The following TUBG2 variants were observed in gnomAD, a reference collection of about 807,000 sequenced individuals.
The protein encoded by TUBG2 is tubulin gamma 2, also known as tubulin gamma-2 chain.
TUBG2 carries 39 observed loss-of-function variants against 55.1 expected under a neutral mutation model. The ratio of observed to expected loss-of-function variants is 0.71; its 90% CI spans 0.55 to 0.93. The LOEUF is 0.93. TUBG2 is among the 40% of genes least tolerant of loss of function. TUBG2 has a pLI of 0.00. For missense variants in TUBG2, 358 were observed against 599.1 expected, an observed-to-expected ratio of 0.60 and a Z score of 4.20; for synonymous variants, 223 against 241.0, an observed-to-expected ratio of 0.93 and a Z score of 0.69.
chr17:42,666,487 G>A lies in TUBG2; in HGVS notation c.1158+3G>A. On this transcript the variant is annotated splice_donor_region_variant and intron_variant, in intron 10 of 10. Coordinates refer to ENST00000251412, the MANE Select transcript of TUBG2 (RefSeq NM_016437.3). ...CCAACCACACCAGCATCTCCTCGGT[G>A]AGTCTAGGTTTCTATTCTTCTTAGA... 2 of 1,614,124 alleles carry A rather than the reference G, an allele frequency of 1.2e-6. No individual in the cohort carries two copies. Among genetic ancestry groups the A allele is most frequent in the Non-Finnish European group, 1.7e-6 (2 of 1,179,992 alleles).
In TUBG2 at chr17:42,663,043, T is replaced by C. The variant is rs1210760435; in HGVS notation, c.470T>C (p.Leu157Pro). Residue 157 changes from leucine to proline, a missense_variant, in exon 5 of 11, where the codon CTG becomes CCG. Leu to Pro is a moderately conservative substitution (Grantham distance 98). Transcript: ENST00000251412. ...CTGGGCTCCTACCTCCTGGAGCGAC[T>C]GAATGACAGGCAAGCCTGTGTTTGG... ...SGLGSYLLER[L>P]NDRYPKKLVQ... is the part of the protein sequence containing the mutation. 6 of 1,613,936 alleles carry C rather than the reference T, an allele frequency of 3.7e-6. No homozygotes were observed. Among genetic ancestry groups the C allele is most frequent in the Non-Finnish European group, 5.1e-6 (6 of 1,179,932 alleles).
intron 4 of TUBG2, chr17:42,661,318 T>C (rs1014873493): frequency 6.6e-6 from 1 of 152,426 alleles, no homozygotes; most frequent in East Asian, 1.9e-4. Context: ...TACTAACCAC[T>C]GTACTAAGGA....
At chr17:42,663,239 GTTTGAAGCT>G in intron 5 of TUBG2, 129 bp from the exon 6 acceptor site, 6 of 1,407,670 alleles carry the variant, frequency 4.3e-6, no homozygotes, top group Non-Finnish European at 5.8e-6. Flanking sequence ...GATCTACAGA[GTTTGAAGCT>G]TTCAGGCTTA....
At chr17:42,664,092 C>T (rs545183522) in intron 6 of TUBG2, among the ~76,000 whole-genome samples, 5 of 151,828 alleles carry the variant, frequency 3.3e-5, no homozygotes, top group East Asian at 1.9e-4. Context: ...GGTGACAGAG[C>T]GAGACTCTGC....
At position 42,666,871 on chromosome 17, in the gene TUBG2, C is replaced by A; in HGVS notation, c.*71C>A. ...CTCGACCATGCCTGCTCCCTCTGAC[C>A]CAGCTTCACCTCATGGACAACCCTT... On this transcript the variant is annotated 3_prime_UTR_variant, in exon 11 of 11. Coordinates refer to ENST00000251412, the MANE Select transcript of TUBG2 (RefSeq NM_016437.3). The A allele has an allele frequency of 6.5e-7, 1 of 1,537,484 alleles. No homozygotes were observed. Among genetic ancestry groups the A allele is most frequent in the Non-Finnish European group, 8.9e-7 (1 of 1,119,754 alleles).
In TUBG2 at chr17:42,659,824, C is replaced by T. The variant is rs777880875; in HGVS notation, c.50-10C>T. ...CTCCAGCAGACCCGGGCATCTCCCC[C>T]CTCCCCCAGTTGGGTTCGAGTTCTG... On this transcript the variant is annotated splice_polypyrimidine_tract_variant and intron_variant, in intron 1 of 10. Coordinates refer to ENST00000251412, the MANE Select transcript of TUBG2 (RefSeq NM_016437.3). The T allele has an allele frequency of 6.2e-7, 1 of 1,614,176 alleles. No homozygotes were observed. The highest frequency in any genetic ancestry group is 8.5e-7 in the Non-Finnish European group (1 of 1,180,004).
At chr17:42,664,377 G>A (rs930360279) in intron 6 of TUBG2, among the ~76,000 whole-genome samples, 3 of 151,548 alleles carry the variant, frequency 2.0e-5, no homozygotes, top group African/African-American at 7.3e-5. Flanking sequence ...ACAGACAGAA[G>A]ACCAACAAAG....
intron 6 of TUBG2, among the ~76,000 whole-genome samples, chr17:42,664,031 G>A (rs776874397): frequency 1.3e-5 from 2 of 151,632 alleles, no homozygotes; most frequent in African/African-American, 2.4e-5. Context: ...ACTTGAACCC[G>A]GGAGGCAAAG....
chr17:42,663,170 C>T, intron 5 of TUBG2, 118 bp downstream of exon 5: 1 of 1,291,838 alleles, frequency 7.7e-7, no homozygotes, highest in Non-Finnish European at 1.1e-6. Context: ...GACAGACCCA[C>T]CCAAGGACCA....
At chr17:42,662,709 C>A (rs954984752) in intron 4 of TUBG2, among the ~76,000 whole-genome samples, 2 of 152,170 alleles carry the variant, frequency 1.3e-5, no homozygotes, top group African/African-American at 4.8e-5. Context: ...CATTGTAATT[C>A]AGATGCTTCT....
chr17:42,665,914 A>T, intron 8 of TUBG2, 87 bp downstream of exon 8: 6 of 1,597,344 alleles, frequency 3.8e-6, no homozygotes, highest in Non-Finnish European at 5.1e-6. Flanking sequence ...CCACTGCCCC[A>T]GGAGCTGCCC....
Position 42,665,729 on chromosome 17 carries a change from A to G in TUBG2, c.745A>G (p.Met249Val). ...STTTLRYPGY[M>V]NNDLIGLIAS... ...CACCACCCTGCGCTACCCCGGCTACATGAACAATGACCTCATCGGCCTCAT... is the reference window on the plus strand; with the variant it reads ...CACCACCCTGCGCTACCCCGGCTACGTGAACAATGACCTCATCGGCCTCAT... Residue 249 changes from methionine (M) to valine (V), a missense_variant, in exon 8 of 11, where the codon ATG (methionine) becomes GTG (valine). Around this residue, in one of 8 missense-constraint regions of TUBG2, gnomAD observed 129 missense variants for 251.6 expected, o/e 0.51. Transcript: ENST00000251412. 6 of 1,614,182 alleles carry G rather than the reference A, an allele frequency of 3.7e-6. No individual in the cohort carries two copies. Among genetic ancestry groups the G allele is most frequent in the Non-Finnish European group, 4.2e-6 (5 of 1,180,026 alleles).
rs371035692 is a variant in TUBG2 at position 42,659,883 on chromosome 17, C to T, written c.99C>T (p.Pro33=). ...KQLCAEHGIS[P]EGIVEEFATE... ...TGTGCGCCGAGCATGGTATCAGCCC[C>T]GAGGGCATCGTGGAGGAATTCGCCA... The change falls in exon 2 of 11, where the codon CCC becomes CCT. Residue 33 remains proline, a synonymous_variant. Coordinates refer to ENST00000251412, the MANE Select transcript of TUBG2 (RefSeq NM_016437.3). The T allele has an allele frequency of 1.2e-6, 2 of 1,613,912 alleles. No homozygotes were observed. Among genetic ancestry groups the T allele is most frequent in the Non-Finnish European group, 1.7e-6 (2 of 1,179,950 alleles).
chr17:42,659,364 G>C lies in TUBG2; in HGVS notation c.-140G>C. 1.1e-6 allele frequency: 1 copy of C among 872,716 alleles called. No individual in the cohort carries two copies. The highest frequency in any genetic ancestry group is 2.9e-5 in the East Asian group (1 of 34,390). The allele number at this position is 872,716 out of a possible 1,614,324, so 54.1% of individuals were successfully genotyped here. On this transcript the variant is annotated 5_prime_UTR_variant, in exon 1 of 11. Coordinates refer to ENST00000251412, the MANE Select transcript of TUBG2 (RefSeq NM_016437.3). ...CACCGGCCGAGGAGAGGCCTGCGCT[G>C]CACACGCGCAGACCGAGCATCCGCG... is the stretch of plus-strand genomic sequence containing the variant.
In TUBG2 at chr17:42,666,728, T is replaced by C. The variant is rs138441376; in HGVS notation, c.1284T>C (p.Val428=). 8.1e-6 allele frequency: 13 copies of C among 1,614,022 alleles called. No individual in the cohort carries two copies. The African/African-American group carries it at 1.5e-4, about 18-fold the overall frequency. ...FDEMDRSREV[V]QELIDEYHAA... Reference sequence around the variant, plus strand: ...AGATGGACAGGTCTAGGGAGGTTGTTCAGGAGCTCATTGATGAGTACCATG... The same window carrying C: ...AGATGGACAGGTCTAGGGAGGTTGTCCAGGAGCTCATTGATGAGTACCATG... The change falls in exon 11 of 11, where the codon GTT becomes GTC. Residue 428 remains valine, a synonymous_variant. Transcript: ENST00000251412.
Position 42,666,103 on chromosome 17 carries a change from A to C in TUBG2, c.860A>C (p.Lys287Thr). Residue 287 changes from lysine to threonine, a missense_variant, in exon 9 of 11, where the codon AAG becomes ACG. By Grantham distance (78) the Lys-to-Thr change is moderately conservative. Around this residue, in one of 8 missense-constraint regions of TUBG2, gnomAD observed 129 missense variants for 251.6 expected, o/e 0.51. Transcript: ENST00000251412. ...TTDQSVASVR[K>T]TTVLDVMRRL... ...TCCCATCAGGTGGCCAGCGTGAGGA[A>C]GACCACGGTCCTGGATGTCATGAGG... 6.2e-7 allele frequency: 1 copy of C among 1,613,976 alleles called. No individual in the cohort carries two copies. The highest frequency in any genetic ancestry group is 8.5e-7 in the Non-Finnish European group (1 of 1,179,864).
intron 6 of TUBG2, 72 bp from the exon 7 acceptor site, chr17:42,665,404 G>A: frequency 6.2e-7 from 1 of 1,607,876 alleles, no homozygotes; most frequent in South Asian, 1.1e-5. Context: ...AGTTCAGCAG[G>A]GGCTAAGCCA....
intron 10 of TUBG2, 36 bp from the exon 11 acceptor site, chr17:42,666,567 C>T (rs1361113079): frequency 3.2e-5 from 52 of 1,613,992 alleles, no homozygotes; most frequent in Non-Finnish European, 4.3e-5. Flanking sequence ...CTCCTAACCC[C>T]CTGGCTCGCA....
chr17:42,666,347 C>G lies in TUBG2; in HGVS notation c.1021C>G (p.Arg341Gly). The G allele has an allele frequency of 6.2e-7, 1 of 1,614,216 alleles. No homozygotes were observed. Among genetic ancestry groups the G allele is most frequent in the Non-Finnish European group, 8.5e-7 (1 of 1,180,026 alleles). Residue 341 changes from arginine to glycine, a missense_variant, in exon 10 of 11, where the codon CGG becomes GGG. Around this residue, in one of 8 missense-constraint regions of TUBG2, gnomAD observed 129 missense variants for 251.6 expected, o/e 0.51. Transcript: ENST00000251412. The part of the protein sequence containing the change: ...TQVHKSLQRI[R>G]ERKLANFIPW... The stretch of plus-strand genomic sequence containing the variant: ...GGTCCACAAGAGCCTGCAGAGGATC[C>G]GGGAACGGAAGTTGGCCAACTTCAT...
Sources: gnomAD v4.1 joint callset for allele counts (sites outside exome capture counted in the v4.1 genomes callset) on GRCh38, gnomAD v4.1.1 for gene constraint, gnomAD v4.1.1 regional missense constraint, MANE v1.5 for transcripts, NCBI Gene and HGNC (gene_info 2026-07-23, HGNC 2026-07-21) for gene names.